The following PDGFRL variants were observed in gnomAD, a reference collection of about 807,000 sequenced individuals.
PDGFRL encodes platelet-derived growth factor receptor-like protein.
A neutral mutation model predicts 37.2 loss-of-function variants in PDGFRL; 46 were observed. The observed-to-expected ratio is 1.24, with a 90% CI of 0.98 to 1.58. The LOEUF (loss-of-function observed/expected upper bound fraction) is 1.58, where lower values mean the gene tolerates loss of function less well. Ranked by LOEUF, PDGFRL falls within the 40% of genes most tolerant of loss-of-function variation. PDGFRL has a pLI of 0.00. For missense variants in PDGFRL, 692 were observed against 467.6 expected, an observed-to-expected ratio of 1.48 and a Z score of -4.43; for synonymous variants, 251 against 184.3, an observed-to-expected ratio of 1.36 and a Z score of -2.93.
At chr8:17,585,091 A>T (rs553421437) in intron 1 of PDGFRL, among the ~76,000 whole-genome samples, 1 of 152,250 alleles carries the variant, frequency 6.6e-6, no homozygotes, top group East Asian at 1.9e-4. Context: ...GTAAACACTC[A>T]TGGCGCTTGT....
intron 1 of PDGFRL, among the ~76,000 whole-genome samples, chr8:17,579,434 C>A (rs1803658706): frequency 6.6e-6 from 1 of 152,042 alleles, no homozygotes; most frequent in Non-Finnish European, 1.5e-5. Context: ...AATATCCTGC[C>A]TTCAAGGCCA....
At chr8:17,630,862 G>C (rs1051903288) in intron 4 of PDGFRL, among the ~76,000 whole-genome samples, 1 of 152,036 alleles carries the variant, frequency 6.6e-6, no homozygotes, top group Non-Finnish European at 1.5e-5. Context: ...ATGCAGCCTC[G>C]CCTTCTCCTG....
At position 17,628,654 on chromosome 8, in the gene PDGFRL, T is replaced by A; in HGVS notation, c.673T>A (p.Tyr225Asn). ...CCCAGCCAATGGAACGGACATTGTT[T>A]ATGACATGAAGCGGGGCTTTGTGTA... ...EIPANGTDIVYDMKRGFVYLQ... is the reference protein window; with the variant it reads ...EIPANGTDIVNDMKRGFVYLQ... The change falls in exon 4 of 6, where the codon TAT (tyrosine) becomes AAT (asparagine). Residue 225 changes from tyrosine to asparagine, a missense_variant. By Grantham distance (143) the Tyr-to-Asn change is moderately radical. Coordinates refer to ENST00000251630, the MANE Select transcript of PDGFRL (RefSeq NM_001372073.1). 6.2e-7 allele frequency: 1 copy of A among 1,614,200 alleles called. No individual in the cohort carries two copies. The highest frequency in any genetic ancestry group is 1.1e-5 in the South Asian group (1 of 91,086).
At chr8:17,593,098 A>G (rs948335731) in intron 2 of PDGFRL, among the ~76,000 whole-genome samples, 26 of 152,276 alleles carry the variant, frequency 1.7e-4, no homozygotes, top group Middle Eastern at 3.4e-3. Flanking sequence ...ATATAACAGG[A>G]TAGAGTCCTT....
intron 2 of PDGFRL, among the ~76,000 whole-genome samples, chr8:17,598,494 AG>A (rs1348872591): frequency 6.6e-6 from 1 of 152,232 alleles, no homozygotes; most frequent in African/African-American, 2.4e-5. Flanking sequence ...ACAGGGGTTT[AG>A]GCCGCATGTC....
intron 2 of PDGFRL, among the ~76,000 whole-genome samples, chr8:17,598,499 G>A (rs527250513): frequency 3.3e-5 from 5 of 152,256 alleles, no homozygotes; most frequent in South Asian, 4.2e-4. Context: ...GGTTTAGGCC[G>A]CATGTCAGAA....
At chr8:17,585,392 G>A (rs1803794368) in intron 1 of PDGFRL, among the ~76,000 whole-genome samples, 1 of 152,104 alleles carries the variant, frequency 6.6e-6, no homozygotes, top group African/African-American at 2.4e-5. Flanking sequence ...CTGACAGTAG[G>A]TGGGTTTTTT....
At chr8:17,595,230 C>T (rs1186666446) in intron 2 of PDGFRL, among the ~76,000 whole-genome samples, 9 of 152,156 alleles carry the variant, frequency 5.9e-5, no homozygotes, top group Non-Finnish European at 1.2e-4. Flanking sequence ...CTCCCAAATG[C>T]CAGAGGGAGC....
intron 2 of PDGFRL, among the ~76,000 whole-genome samples, chr8:17,615,070 G>A (rs1383112636): frequency 2.0e-5 from 3 of 152,172 alleles, no homozygotes. Context: ...TTAAGTTTCA[G>A]TTATTGTTAT....
At chr8:17,584,905 A>C (rs1312105393) in intron 1 of PDGFRL, among the ~76,000 whole-genome samples, 1 of 152,152 alleles carries the variant, frequency 6.6e-6, no homozygotes, top group Non-Finnish European at 1.5e-5. Flanking sequence ...TCATAGGCAG[A>C]GCAGCGGCAT....
At chr8:17,605,312 C>A (rs191782006) in intron 2 of PDGFRL, among the ~76,000 whole-genome samples, 1 of 152,284 alleles carries the variant, frequency 6.6e-6, no homozygotes, top group Non-Finnish European at 1.5e-5. Context: ...CCATTTCACT[C>A]CAACTGGGGT....
At chr8:17,600,551 G>A (rs1217952038) in intron 2 of PDGFRL, among the ~76,000 whole-genome samples, 1 of 151,950 alleles carries the variant, frequency 6.6e-6, no homozygotes, top group East Asian at 1.9e-4. Context: ...ATCTATCCTA[G>A]CAACAGGGGA....
intron 1 of PDGFRL, 79 bp from the exon 2 acceptor site, chr8:17,589,385 CAAAA>C (rs34147348): frequency 2.2e-5 from 17 of 755,990 alleles, no homozygotes; most frequent in Non-Finnish European, 3.1e-5. Context: ...GAATCTGTCT[CAAAA>C]AAAAAAAAAA....
chr8:17,628,984 A>G, intron 4 of PDGFRL, among the ~76,000 whole-genome samples: 1 of 149,302 alleles, frequency 6.7e-6, no homozygotes, highest in East Asian at 2.0e-4. Context: ...TGGCACAACC[A>G]TTTTCTCACT....
At position 17,626,383 on chromosome 8, in the gene PDGFRL, G is replaced by A. The variant is rs376444865; in HGVS notation, c.506-2104G>A. On this transcript the variant is annotated intron_variant, in intron 3 of 5. Transcript: ENST00000251630. ...CCTGATGGAAACCCATGTAAAAGAC[G>A]GAGACTCTCTGAGCCATGATATACT... Among the ~76,000 whole-genome samples, 19 of 152,220 alleles carry A rather than the reference G, an allele frequency of 1.2e-4. 1 individual carries two copies. In the East Asian group the frequency reaches 2.1e-3, roughly 17 times the overall value.
At chr8:17,607,777 T>C (rs1433228114) in intron 2 of PDGFRL, among the ~76,000 whole-genome samples, 1 of 151,804 alleles carries the variant, frequency 6.6e-6, no homozygotes, top group Admixed American at 6.6e-5. Context: ...ATATAGAAGA[T>C]GTAAATAAAA....
At chr8:17,620,880 T>C (rs1389008109) in intron 2 of PDGFRL, among the ~76,000 whole-genome samples, 171 bp from the exon 3 acceptor site, 1 of 151,012 alleles carries the variant, frequency 6.6e-6, no homozygotes, top group Non-Finnish European at 1.5e-5. Context: ...TTTTTTATTA[T>C]ACTTTAAGTT....
At chr8:17,588,370 A>T (rs1278915147) in intron 1 of PDGFRL, among the ~76,000 whole-genome samples, 2 of 152,162 alleles carry the variant, frequency 1.3e-5, no homozygotes, top group African/African-American at 4.8e-5. Flanking sequence ...GTTTTGAGAG[A>T]AAGTTCACTG....
chr8:17,582,120 T>C lies in PDGFRL; in HGVS notation c.55+4813T>C, dbSNP rs1163422744. Reference sequence around the variant, plus strand: ...GTCTGAAATGGAAACAGATAACTTATTGGGAGCTGGAGAAAAGTCACCCTT... The same window carrying C: ...GTCTGAAATGGAAACAGATAACTTACTGGGAGCTGGAGAAAAGTCACCCTT... On this transcript the variant is annotated intron_variant, in intron 1 of 5. Coordinates refer to ENST00000251630, the MANE Select transcript of PDGFRL (RefSeq NM_001372073.1). Among the ~76,000 whole-genome samples the C allele has an allele frequency of 3.9e-5, 6 of 152,196 alleles. No homozygotes were observed. In the East Asian group the frequency reaches 9.6e-4, roughly 24 times the overall value.
Sources: gnomAD v4.1 joint callset for allele counts (sites outside exome capture counted in the v4.1 genomes callset) on GRCh38, gnomAD v4.1.1 for gene constraint, MANE v1.5 for transcripts, NCBI Gene and HGNC (gene_info 2026-07-23, HGNC 2026-07-21) for gene names.